USP47: variants seen among roughly 807,000 people sequenced by gnomAD.
USP47 encodes ubiquitin carboxyl-terminal hydrolase 47.
USP47 carries 35 observed loss-of-function variants against 165.1 expected under a neutral mutation model. The observed-to-expected ratio is 0.21, with a 90% CI of 0.16 to 0.28. The LOEUF is 0.28. USP47 is among the 10% of genes least tolerant of loss of function. The pLI is 1.00. For synonymous variants in USP47, 531 were observed against 544.5 expected (o/e 0.98, Z 0.35); for missense variants, 1,277 against 1,607.4 (o/e 0.79, Z 3.52).
At chr11:11,920,640 A>G (rs756909395) in intron 10 of USP47, 146 bp downstream of exon 10, 79 of 648,568 alleles carry the variant, frequency 1.2e-4, no homozygotes, top group Middle Eastern at 8.9e-4. Flanking sequence ...CTAATGTGGA[A>G]TTCAATAAAA....
At chr11:11,930,570 CTG>C in intron 13 of USP47, 124 bp from the exon 14 acceptor site, 1 of 733,514 alleles carries the variant, frequency 1.4e-6, no homozygotes, top group South Asian at 1.7e-5. Flanking sequence ...CTCAGTGTGT[CTG>C]TGAACAGTGA....
intron 12 of USP47, 97 bp from the exon 13 acceptor site, chr11:11,929,947 T>C (rs1590402333): frequency 2.0e-6 from 2 of 984,216 alleles, no homozygotes; most frequent in East Asian, 2.5e-5. Flanking sequence ...AGGTCTTTGA[T>C]AGCATTTAAC....
intron 1 of USP47, among the ~76,000 whole-genome samples, chr11:11,862,613 G>A (rs892116076): frequency 6.6e-6 from 1 of 152,144 alleles, no homozygotes; most frequent in African/African-American, 2.4e-5. Flanking sequence ...TGAGAAATTT[G>A]AGCCTACAGC....
intron 2 of USP47, among the ~76,000 whole-genome samples, chr11:11,880,716 T>G (rs1175377758): frequency 6.6e-6 from 1 of 152,146 alleles, no homozygotes; most frequent in Non-Finnish European, 1.5e-5. Flanking sequence ...GAAAAAAGAT[T>G]GTAAAATCAT....
At chr11:11,950,040 A>C in intron 23 of USP47, 36 bp downstream of exon 23, 5 of 1,462,946 alleles carry the variant, frequency 3.4e-6, no homozygotes, top group Non-Finnish European at 4.8e-6. Context: ...GATTTGAAGA[A>C]AGACTATGTG....
Position 11,943,240 on chromosome 11 carries a change from A to G in USP47, c.3091+128A>G. On this transcript the variant is annotated intron_variant, in intron 20 of 27. Coordinates refer to ENST00000527733, the MANE Select transcript of USP47 (RefSeq NM_001282659.2). ...TTGTAACTTTCTGGATTATAAGATTATTGACGCAGTTGTAATGAACACTGT... is the reference window on the plus strand; with the variant it reads ...TTGTAACTTTCTGGATTATAAGATTGTTGACGCAGTTGTAATGAACACTGT... The G allele has an allele frequency of 1.3e-5, 14 of 1,087,164 alleles. No homozygotes were observed. The South Asian group carries it at 2.3e-4, about 18-fold the overall frequency. 67.3% of individuals were successfully genotyped at this position (1,087,164 alleles called of 1,614,324 possible).
chr11:11,907,655 T>C (rs1333165920), intron 8 of USP47, among the ~76,000 whole-genome samples: 1 of 152,200 alleles, frequency 6.6e-6, no homozygotes, highest in African/African-American at 2.4e-5. Context: ...ATTGGAATTA[T>C]GGATTGCAAA....
chr11:11,938,380 T>C lies in USP47; in HGVS notation c.2193+8T>C, dbSNP rs1253136467. 6.2e-7 allele frequency: 1 copy of C among 1,608,046 alleles called. No homozygotes were observed. The highest frequency in any genetic ancestry group is 2.2e-5 in the East Asian group (1 of 44,688). On this transcript the variant is annotated splice_region_variant and intron_variant, in intron 18 of 27. Coordinates refer to ENST00000527733, the MANE Select transcript of USP47 (RefSeq NM_001282659.2). The stretch of plus-strand genomic sequence containing the variant: ...AAACAACTGATTTCAAAGGTAAGTT[T>C]TAAAAGGGGTCTGTAAATAAATTTT...
intron 1 of USP47, among the ~76,000 whole-genome samples, chr11:11,868,970 T>C (rs998345753): frequency 6.6e-6 from 1 of 152,008 alleles, no homozygotes; most frequent in African/African-American, 2.4e-5. Context: ...GCTAATTGGA[T>C]TGTTTGCTTT....
chr11:11,926,811 T>G (rs73413237), intron 11 of USP47, among the ~76,000 whole-genome samples: 30,418 of 150,758 alleles, frequency 0.2, 3,436 homozygotes, highest in Admixed American at 0.35. Context: ...TTGAGATGTC[T>G]TCTTTTTTTT....
In USP47 at chr11:11,956,050, C is replaced by G. The variant is rs1246487517; in HGVS notation, c.3943C>G (p.Leu1315Val). 1 of 1,599,460 alleles carries G rather than the reference C, an allele frequency of 6.3e-7. No homozygotes were observed. Among genetic ancestry groups the G allele is most frequent in the Non-Finnish European group, 8.5e-7 (1 of 1,175,468 alleles). Residue 1315 changes from leucine (L) to valine (V), a missense_variant, in exon 28 of 28, where the codon CTG (leucine) becomes GTG (valine). By Grantham distance (32) the Leu-to-Val change is conservative. Around this residue, in one of 4 missense-constraint regions of USP47, gnomAD observed 909 missense variants for 1,068.1 expected, o/e 0.85. Transcript: ENST00000527733. ...MELTDEQRNE[L>V]MKKESSRLQK... ...ATTGACAGATGAGCAAAGAAATGAA[C>G]TGATGAAAAAAGAAAGCAGTCGACT...
At chr11:11,891,610 T>G (rs758307543) in intron 3 of USP47, among the ~76,000 whole-genome samples, 2 of 152,238 alleles carry the variant, frequency 1.3e-5, no homozygotes, top group Non-Finnish European at 2.9e-5. Flanking sequence ...TTTCAGCATC[T>G]TCCTTATTAA....
intron 1 of USP47, among the ~76,000 whole-genome samples, chr11:11,868,552 T>C (rs1375532642): frequency 6.6e-6 from 1 of 152,224 alleles, no homozygotes; most frequent in Non-Finnish European, 1.5e-5. Context: ...ATGAAAGACA[T>C]CTGGGTTTGC....
rs1231789444 is a variant in USP47 at position 11,913,962 on chromosome 11, A to G, written c.970-6194A>G. On this transcript the variant is annotated intron_variant, in intron 8 of 27. Transcript: ENST00000527733. ...TATTAATTGGAAGATTCAATATAGT[A>G]AAGATAATTACATAGTCTTAATGCA... 2.0e-5 allele frequency among the ~76,000 whole-genome samples: 3 copies of G among 152,256 alleles called. No individual in the cohort carries two copies. In the East Asian group the frequency reaches 5.8e-4, roughly 29 times the overall value.
In USP47 at chr11:11,926,883, A is replaced by G. The variant is rs369466862; in HGVS notation, c.1387-2551A>G. Among the ~76,000 whole-genome samples, 26 of 143,468 alleles carry G rather than the reference A, an allele frequency of 1.8e-4. No individual in the cohort carries two copies. The South Asian group carries it at 2.9e-3, about 16-fold the overall frequency. The allele number at this position is 143,468 out of a possible 152,430, so 94.1% of individuals were successfully genotyped here. A position where few individuals can be genotyped will look rare whatever the true frequency, so the allele number is the denominator to read the frequency against. On this transcript the variant is annotated intron_variant, in intron 11 of 27. Transcript: ENST00000527733. The stretch of plus-strand genomic sequence containing the variant: ...TTTGTTTCATTGCATAAGTTTTGGT[A>G]TGTTATGTTTTTGTTTTCATTTGTC...
chr11:11,877,047 C>T (rs1157342334), intron 1 of USP47, among the ~76,000 whole-genome samples: 1 of 152,070 alleles, frequency 6.6e-6, no homozygotes, highest in African/African-American at 2.4e-5. Context: ...GCCCTAATTT[C>T]CCATTTCCAG....
intron 7 of USP47, 90 bp downstream of exon 7, chr11:11,903,432 A>G: frequency 1.6e-6 from 2 of 1,261,338 alleles, no homozygotes; most frequent in East Asian, 2.4e-5. Flanking sequence ...ATGTTTTAAA[A>G]CTTGGGCATT....
intron 11 of USP47, among the ~76,000 whole-genome samples, chr11:11,924,952 A>G (rs149410581): frequency 4.6e-5 from 7 of 151,262 alleles, no homozygotes; most frequent in African/African-American, 9.7e-5. Context: ...TTGTTTTCCT[A>G]TTTTCAATAT....
chr11:11,900,154 CTTTTTT>C (rs1042565841), intron 5 of USP47, among the ~76,000 whole-genome samples: 19 of 99,074 alleles, frequency 1.9e-4, no homozygotes, highest in Admixed American at 8.6e-4. Flanking sequence ...ATTTTCTTCA[CTTTTTT>C]TTTTTTTTTT....
Sources: allele counts gnomAD v4.1 joint callset (sites outside exome capture counted in the v4.1 genomes callset), GRCh38; gene constraint gnomAD v4.1.1; regional missense constraint gnomAD v4.1.1; transcripts MANE v1.5; gene names NCBI Gene and HGNC (gene_info 2026-07-23, HGNC 2026-07-21).